Variants in MDGA1 observed in about 807,000 individuals in gnomAD.
The protein encoded by MDGA1 is MAM domain containing glycosylphosphatidylinositol anchor 1.
In MDGA1, 54 loss-of-function variants were observed where a neutral mutation model predicts 101.5. That is an observed-to-expected ratio of 0.53 (90% CI 0.43 to 0.67). The LOEUF is 0.67. Among genes scored for constraint, MDGA1 ranks in the 30% least tolerant of loss-of-function variants. The pLI is 0.00. For synonymous variants in MDGA1, 533 were observed against 558.3 expected (o/e 0.95, Z 0.64); for missense variants, 1,083 against 1,323.8 (o/e 0.82, Z 2.82).
At chr6:37,683,840 G>A (rs1439319041) in intron 1 of MDGA1, among the ~76,000 whole-genome samples, 1 of 152,210 alleles carries the variant, frequency 6.6e-6, no homozygotes, top group African/African-American at 2.4e-5. Context: ...AATAATTACA[G>A]CATTCAGCTC....
rs761720388 is a variant in MDGA1, at chr6:37,632,981, G to C, written c.*4387C>G. The C allele has an allele frequency of 6.6e-6, 1 of 152,608 alleles. No individual in the cohort carries two copies. The highest frequency in any genetic ancestry group is 1.5e-5 in the Non-Finnish European group (1 of 68,096). 9.5% of individuals were successfully genotyped at this position (152,608 alleles called of 1,614,324 possible). A position where few individuals can be genotyped will look rare whatever the true frequency, so the allele number is the denominator to read the frequency against. ...GGTGGCTGGGAGGATGGCGGGAGGG[G>C]GCCAGGAAGGAGGGCAGTCCTATCC... is the stretch of plus-strand genomic sequence containing the variant. On this transcript the variant is annotated 3_prime_UTR_variant, in exon 17 of 17. Coordinates refer to ENST00000434837, the MANE Select transcript of MDGA1 (RefSeq NM_153487.4).
chr6:37,650,523 A>C, intron 7 of MDGA1, 118 bp from the exon 8 acceptor site: 3 of 1,117,578 alleles, frequency 2.7e-6, no homozygotes, highest in Non-Finnish European at 3.6e-6. Context: ...CTCCCATCCC[A>C]GACTTCCGAC....
intron 1 of MDGA1, among the ~76,000 whole-genome samples, chr6:37,686,406 T>G (rs990064007): frequency 6.0e-5 from 9 of 151,074 alleles, no homozygotes; most frequent in African/African-American, 1.7e-4. Context: ...ACATTCTGAT[T>G]TAATGGGTAT....
At chr6:37,676,783 G>C (rs958821107) in intron 1 of MDGA1, among the ~76,000 whole-genome samples, 2 of 152,034 alleles carry the variant, frequency 1.3e-5, no homozygotes, top group Non-Finnish European at 2.9e-5. Context: ...TGTAATCCCA[G>C]CTACTCGGGA....
intron 1 of MDGA1, among the ~76,000 whole-genome samples, chr6:37,667,220 G>A (rs1490427717): frequency 1.3e-5 from 2 of 152,186 alleles, no homozygotes; most frequent in Admixed American, 6.5e-5. Context: ...AGACAGCAGC[G>A]GGTTCGGTGG....
chr6:37,686,131 G>C (rs754444117), intron 1 of MDGA1, among the ~76,000 whole-genome samples: 14 of 152,162 alleles, frequency 9.2e-5, no homozygotes, highest in Non-Finnish European at 1.8e-4. Flanking sequence ...TTGAAGCTAA[G>C]AATGGCCAGT....
intron 2 of MDGA1, among the ~76,000 whole-genome samples, chr6:37,663,050 G>A (rs1761663767): frequency 6.6e-6 from 1 of 152,162 alleles, no homozygotes; most frequent in Admixed American, 6.5e-5. Flanking sequence ...AGCCATCTAT[G>A]TTCCCAAAAT....
At chr6:37,672,358 T>C (rs531560288) in intron 1 of MDGA1, among the ~76,000 whole-genome samples, 1 of 152,026 alleles carries the variant, frequency 6.6e-6, no homozygotes, top group Admixed American at 6.6e-5. Flanking sequence ...GAGGATTGCT[T>C]GAGCTCAGGA....
intron 2 of MDGA1, 28 bp downstream of exon 2, chr6:37,663,939 C>A (rs772458368): frequency 6.2e-7 from 1 of 1,612,784 alleles, no homozygotes; most frequent in Non-Finnish European, 8.5e-7. Context: ...GTAGGAGGGG[C>A]CTGAGCAAGG....
intron 1 of MDGA1, among the ~76,000 whole-genome samples, chr6:37,694,761 C>G (rs1395336731): frequency 6.6e-6 from 1 of 152,162 alleles, no homozygotes; most frequent in Non-Finnish European, 1.5e-5. Context: ...CTGCCTGAAG[C>G]CAAGCTCTCA....
At chr6:37,674,863 C>T (rs1159632805) in intron 1 of MDGA1, among the ~76,000 whole-genome samples, 1 of 152,120 alleles carries the variant, frequency 6.6e-6, no homozygotes, top group Non-Finnish European at 1.5e-5. Flanking sequence ...CGAAACCAGC[C>T]TGGCCAACAT....
chr6:37,684,776 A>C (rs751200402), intron 1 of MDGA1, among the ~76,000 whole-genome samples: 1 of 152,172 alleles, frequency 6.6e-6, no homozygotes, highest in Non-Finnish European at 1.5e-5. Context: ...TTATTCCAGA[A>C]AGAAAAGTGA....
chr6:37,651,996 C>G lies in MDGA1; in HGVS notation c.1312+15G>C, dbSNP rs1761378477. 1 of 1,557,900 alleles carries G rather than the reference C, an allele frequency of 6.4e-7. No homozygotes were observed. The highest frequency in any genetic ancestry group is 8.7e-7 in the Non-Finnish European group (1 of 1,153,862). On this transcript the variant is annotated intron_variant, in intron 7 of 16. Coordinates refer to ENST00000434837, the MANE Select transcript of MDGA1 (RefSeq NM_153487.4). ...ACCCCCCTCACATTTCCGCAGTGCC[C>G]CTCCAGCTGCCCACCTGTCTCAGAG...
intron 1 of MDGA1, among the ~76,000 whole-genome samples, chr6:37,682,352 C>T (rs770902411): frequency 1.2e-4 from 19 of 152,246 alleles, no homozygotes; most frequent in Middle Eastern, 6.8e-3. Context: ...GGCGTGGTGG[C>T]GGGTGCCTGT....
chr6:37,642,412 C>T (rs957915310), intron 14 of MDGA1, among the ~76,000 whole-genome samples: 3 of 151,818 alleles, frequency 2.0e-5, no homozygotes, highest in African/African-American at 7.3e-5. Context: ...TCTCAGGTGT[C>T]CCGCCCGCCT....
At chr6:37,667,669 C>T (rs1761783096) in intron 1 of MDGA1, among the ~76,000 whole-genome samples, 1 of 152,206 alleles carries the variant, frequency 6.6e-6, no homozygotes, top group South Asian at 2.1e-4. Flanking sequence ...CCTGGGGTGC[C>T]TCTCAACAAG....
chr6:37,644,211 A>G (rs1450406426), intron 13 of MDGA1, among the ~76,000 whole-genome samples: 11 of 151,762 alleles, frequency 7.2e-5, no homozygotes, highest in Non-Finnish European at 1.5e-4. Context: ...GTCAGTGCTC[A>G]TGAGTCCTTG....
At chr6:37,672,583 T>A (rs6458010) in intron 1 of MDGA1, among the ~76,000 whole-genome samples, 117 of 151,548 alleles carry the variant, frequency 7.7e-4, no homozygotes, top group Non-Finnish European at 1.4e-3. Flanking sequence ...GGAGAAGGAG[T>A]GGCTGCAAAA....
At position 37,635,131 on chromosome 6, in the gene MDGA1, C is replaced by G. The variant is rs1015533893; in HGVS notation, c.*2237G>C. The stretch of plus-strand genomic sequence containing the variant: ...GAGCTTTTCAACATTTCTTGATGTC[C>G]GACTGCGCTCCAGTCCAATTAACTC... On this transcript the variant is annotated 3_prime_UTR_variant, in exon 17 of 17. Transcript: ENST00000434837. 27 of 218,836 alleles carry G rather than the reference C, an allele frequency of 1.2e-4. No homozygotes were observed. The highest frequency in any genetic ancestry group is 2.2e-4 in the Non-Finnish European group (25 of 112,416). The allele number at this position is 218,836 out of a possible 1,614,324, so 13.6% of individuals were successfully genotyped here.
Sources: gnomAD v4.1 joint callset for allele counts (sites outside exome capture counted in the v4.1 genomes callset) on GRCh38, gnomAD v4.1.1 for gene constraint, MANE v1.5 for transcripts, NCBI Gene and HGNC (gene_info 2026-07-23, HGNC 2026-07-21) for gene names.